ACOX2: variants seen among roughly 807,000 people sequenced by gnomAD.
The protein encoded by ACOX2 is peroxisomal acyl-coenzyme A oxidase 2.
A neutral mutation model predicts 77.5 loss-of-function variants in ACOX2; 59 were observed. That is an observed-to-expected ratio of 0.76 (90% confidence interval 0.62 to 0.95). The LOEUF is 0.95. ACOX2 is among the 40% of genes least tolerant of loss of function. The pLI, the probability that ACOX2 is intolerant of heterozygous loss-of-function variation, is 0.00. For missense variants in ACOX2, 837 were observed against 880.4 expected, an observed-to-expected ratio of 0.95 and a Z score of 0.62; for synonymous variants, 317 against 340.1, an observed-to-expected ratio of 0.93 and a Z score of 0.75.
In ACOX2 at chr3:58,528,968, A is replaced by T. The variant is rs768665158; in HGVS notation, c.993-12T>A. The T allele has an allele frequency of 4.4e-6, 7 of 1,602,112 alleles. No homozygotes were observed. In the South Asian group the frequency reaches 7.9e-5, roughly 18 times the overall value. ...TTGCCTCTGGGTCACTGAAGGGAAAAGAACCAGAAGATTTAGATCACTACC... is the reference window on the plus strand; with the variant it reads ...TTGCCTCTGGGTCACTGAAGGGAAATGAACCAGAAGATTTAGATCACTACC... On this transcript the variant is annotated splice_polypyrimidine_tract_variant and intron_variant, in intron 8 of 14. Coordinates refer to ENST00000302819, the MANE Select transcript of ACOX2 (RefSeq NM_003500.4). This position sits in a 1 kb window ranked among gnomAD's most constrained non-coding sequence, Gnocchi z 5.6.
chr3:58,511,023 C>CT, intron 13 of ACOX2: 1 of 456,638 alleles, frequency 2.2e-6, no homozygotes, highest in Non-Finnish European at 4.4e-6. Context: ...TTTCCCATCT[C>CT]TTTTGCCTGG....
At position 58,522,879 on chromosome 3, in the gene ACOX2, T is replaced by C; in HGVS notation, c.1527-278A>G. 1 of 380,586 alleles carries C rather than the reference T, an allele frequency of 2.6e-6. No individual in the cohort carries two copies. Among genetic ancestry groups the C allele is most frequent in the Non-Finnish European group, 5.0e-6 (1 of 200,848 alleles). The allele number at this position is 380,586 out of a possible 1,614,324, so 23.6% of individuals were successfully genotyped here. A position where few individuals can be genotyped will look rare whatever the true frequency, so the allele number is the denominator to read the frequency against. Reference sequence around the variant, plus strand: ...AGCCAGGATTTTGACTTGTTGTTAATCGCCATGTTATAAAGCCTCAGGGCC... The same window carrying C: ...AGCCAGGATTTTGACTTGTTGTTAACCGCCATGTTATAAAGCCTCAGGGCC... On this transcript the variant is annotated intron_variant, in intron 11 of 14. Transcript: ENST00000302819. This position sits in a 1 kb window ranked among gnomAD's most constrained non-coding sequence, Gnocchi z 4.3.
chr3:58,522,449 T>C lies in ACOX2; in HGVS notation c.1632+47A>G. On this transcript the variant is annotated intron_variant, in intron 12 of 14. Transcript: ENST00000302819. The surrounding 1 kb of genome is among the most constrained non-coding windows in gnomAD (Gnocchi z 4.3). ...GATTTTCCCAGCAGGGTAGCCTGCC[T>C]GGGAAGCAAAATGGATCCCTTTCAG... The C allele has an allele frequency of 6.3e-7, 1 of 1,585,598 alleles. No individual in the cohort carries two copies.
rs1189805076 is a variant in ACOX2 at position 58,531,529 on chromosome 3, C to T, written c.704-163G>A. The stretch of plus-strand genomic sequence containing the variant: ...GGTCAGAAAGATGCTAAATCTTGCT[C>T]AAGTTCACCTAGCCAGTTAGCACCA... On this transcript the variant is annotated intron_variant, in intron 6 of 14. Coordinates refer to ENST00000302819, the MANE Select transcript of ACOX2 (RefSeq NM_003500.4). This position sits in a 1 kb window ranked among gnomAD's most constrained non-coding sequence, Gnocchi z 5.8. 1.6e-6 allele frequency: 2 copies of T among 1,283,972 alleles called. No individual in the cohort carries two copies. The highest frequency in any genetic ancestry group is 3.0e-5 in the African/African-American group (2 of 67,280). 79.5% of individuals were successfully genotyped at this position (1,283,972 alleles called of 1,614,324 possible).
chr3:58,530,402 G>T, intron 8 of ACOX2, 64 bp downstream of exon 8: 1 of 1,571,534 alleles, frequency 6.4e-7, no homozygotes, highest in Non-Finnish European at 8.6e-7. Flanking sequence ...GTGGTGTCAG[G>T]GGGAGGCACT....
chr3:58,535,407 G>A lies in ACOX2; in HGVS notation c.-91-210C>T, dbSNP rs182198819. On this transcript the variant is annotated intron_variant, in intron 1 of 14. Coordinates refer to ENST00000302819, the MANE Select transcript of ACOX2 (RefSeq NM_003500.4). This position sits in a 1 kb window ranked among gnomAD's most constrained non-coding sequence, Gnocchi z 4.8. ...ATACTTGTTAGCCAAAATTGGACAG[G>A]GCCTGACCCCAAAGATTGGGCTCTA... Among the ~76,000 whole-genome samples, 1 of 152,248 alleles carries A rather than the reference G, an allele frequency of 6.6e-6. No individual in the cohort carries two copies. Among genetic ancestry groups the A allele is most frequent in the Non-Finnish European group, 1.5e-5 (1 of 68,028 alleles).
At chr3:58,511,144 C>G (rs2063284027) in intron 13 of ACOX2, 1 of 440,892 alleles carries the variant, frequency 2.3e-6, no homozygotes. Flanking sequence ...GCTCTCAGCT[C>G]AGGCCTCAGT....
chr3:58,534,728 C>G lies in ACOX2; in HGVS notation c.161-206G>C. 1 of 1,365,058 alleles carries G rather than the reference C, an allele frequency of 7.3e-7. No individual in the cohort carries two copies. Among genetic ancestry groups the G allele is most frequent in the Non-Finnish European group, 1.0e-6 (1 of 987,596 alleles). The allele number at this position is 1,365,058 out of a possible 1,614,324, so 84.6% of individuals were successfully genotyped here. ...AGTGGCAGAATTTTAGGACCAGAAT[C>G]CAGGTCTTCTGCTGCCTAGGACTCT... On this transcript the variant is annotated intron_variant, in intron 2 of 14. Transcript: ENST00000302819. The surrounding 1 kb of genome is among the most constrained non-coding windows in gnomAD (Gnocchi z 4.8).
At position 58,535,873 on chromosome 3, in the gene ACOX2, C is replaced by T. The variant is rs1005919007; in HGVS notation, c.-91-676G>A. 3.3e-5 allele frequency among the ~76,000 whole-genome samples: 5 copies of T among 152,128 alleles called. No individual in the cohort carries two copies. The highest frequency in any genetic ancestry group is 7.4e-5 in the Non-Finnish European group (5 of 68,018). Reference sequence around the variant, plus strand: ...AGTGAGGCAACCATGAGGTGCAGTCCATCCTATTTCACAAGTCTCTTGAGT... The same window carrying T: ...AGTGAGGCAACCATGAGGTGCAGTCTATCCTATTTCACAAGTCTCTTGAGT... On this transcript the variant is annotated intron_variant, in intron 1 of 14. Coordinates refer to ENST00000302819, the MANE Select transcript of ACOX2 (RefSeq NM_003500.4). The surrounding 1 kb of genome is among the most constrained non-coding windows in gnomAD (Gnocchi z 4.8).
At chr3:58,510,861 A>G in intron 13 of ACOX2, 2 of 402,036 alleles carry the variant, frequency 5.0e-6, no homozygotes, top group South Asian at 3.7e-5. Flanking sequence ...AAAAACAATC[A>G]TAACTGGTGT....
rs140091573 is a variant in ACOX2, at chr3:58,522,163, C to T, written c.1632+333G>A. On this transcript the variant is annotated intron_variant, in intron 12 of 14. Coordinates refer to ENST00000302819, the MANE Select transcript of ACOX2 (RefSeq NM_003500.4). The surrounding 1 kb of genome is among the most constrained non-coding windows in gnomAD (Gnocchi z 4.3). ...CTGTGAATTATGCAGAAACACAAAA[C>T]GAGTGGAAATGGAATCAGACATCCA... 5.3e-5 allele frequency among the ~76,000 whole-genome samples: 8 copies of T among 152,318 alleles called. No individual in the cohort carries two copies. In the East Asian group the frequency reaches 1.2e-3, roughly 22 times the overall value.
chr3:58,527,547 A>AAAAAAAAAAAAAAAAAG (rs1247928031), intron 9 of ACOX2, among the ~76,000 whole-genome samples: 1 of 151,542 alleles, frequency 6.6e-6, no homozygotes, highest in African/African-American at 2.4e-5. Flanking sequence ...AAAAAAAAAA[A>AAAAAAAAAAAAAAAAAG]AAAGAAAGAA....
At chr3:58,510,662 AAATATATAT>A (rs2063275116) in intron 13 of ACOX2, among the ~76,000 whole-genome samples, 9 of 12,280 alleles carry the variant, frequency 7.3e-4, no homozygotes, top group African/African-American at 2.9e-3. Flanking sequence ...AAAAAAAAAA[AAATATATAT>A]ATATATATAT....
At chr3:58,532,098 A>T (rs1181622143) in intron 5 of ACOX2, among the ~76,000 whole-genome samples, 1 of 152,124 alleles carries the variant, frequency 6.6e-6, no homozygotes, top group Non-Finnish European at 1.5e-5. Flanking sequence ...ATTTATCAAA[A>T]TCTAGGTGGC....
chr3:58,533,590 G>A lies in ACOX2; in HGVS notation c.476-38C>T, dbSNP rs1484913914. On this transcript the variant is annotated intron_variant, in intron 4 of 14. Transcript: ENST00000302819. The surrounding 1 kb of genome is among the most constrained non-coding windows in gnomAD (Gnocchi z 5.6). The stretch of plus-strand genomic sequence containing the variant: ...GAGAGGTGTTAGACATTGGCCTGAG[G>A]TGGGGTTCTTACCTGTGAAGCTGCT... The A allele has an allele frequency of 1.9e-6, 3 of 1,598,746 alleles. No homozygotes were observed. Among genetic ancestry groups the A allele is most frequent in the South Asian group, 1.1e-5 (1 of 90,638 alleles).
At chr3:58,527,301 G>A (rs1190418737) in intron 9 of ACOX2, among the ~76,000 whole-genome samples, 2 of 152,036 alleles carry the variant, frequency 1.3e-5, no homozygotes, top group African/African-American at 4.8e-5. Flanking sequence ...ACTTTGGGAG[G>A]CCAAGGCAGG....
chr3:58,513,667 T>G (rs145249492), intron 13 of ACOX2, among the ~76,000 whole-genome samples: 85 of 152,260 alleles, frequency 5.6e-4, no homozygotes, highest in Middle Eastern at 3.4e-3. Context: ...TCCCTGTGGA[T>G]TCTCTTATGT....
rs1008954142 is a variant in ACOX2, at chr3:58,515,236, G to A, written c.1850+1970C>T. Among the ~76,000 whole-genome samples the A allele has an allele frequency of 2.0e-5, 3 of 152,160 alleles. No homozygotes were observed. The East Asian group carries it at 5.8e-4, about 29-fold the overall frequency. On this transcript the variant is annotated intron_variant, in intron 13 of 14. Transcript: ENST00000302819. This position sits in a 1 kb window ranked among gnomAD's most constrained non-coding sequence, Gnocchi z 4.0. Reference sequence around the variant, plus strand: ...GGGTTTCACCATGTTGGCCAGGCTGGCCTCGAACTCCTGACCTCAGGTGAT... The same window carrying A: ...GGGTTTCACCATGTTGGCCAGGCTGACCTCGAACTCCTGACCTCAGGTGAT...
At position 58,519,963 on chromosome 3, in the gene ACOX2, G is replaced by A. The variant is rs1480652738; in HGVS notation, c.1632+2533C>T. ...GCTCTGAGTTGAGGAGTGGAGTGAT[G>A]GAGAGCTGCCCAGGGGCCTGGGCCT... On this transcript the variant is annotated intron_variant, in intron 12 of 14. Coordinates refer to ENST00000302819, the MANE Select transcript of ACOX2 (RefSeq NM_003500.4). This position sits in a 1 kb window ranked among gnomAD's most constrained non-coding sequence, Gnocchi z 5.0. 6.6e-6 allele frequency among the ~76,000 whole-genome samples: 1 copy of A among 152,244 alleles called. No individual in the cohort carries two copies. The highest frequency in any genetic ancestry group is 1.5e-5 in the Non-Finnish European group (1 of 68,038).
Sources: gnomAD v4.1 joint callset for allele counts (sites outside exome capture counted in the v4.1 genomes callset) on GRCh38, gnomAD v4.1.1 for gene constraint, Gnocchi (gnomAD v3.1) non-coding constraint, MANE v1.5 for transcripts, NCBI Gene and HGNC (gene_info 2026-07-23, HGNC 2026-07-21) for gene names.